CLVS1: variants seen among roughly 807,000 people sequenced by gnomAD.
CLVS1 encodes the protein clavesin 1.
In CLVS1, 10 loss-of-function variants were observed where a neutral mutation model predicts 33.1. That is an observed-to-expected ratio of 0.30 (90% CI 0.19 to 0.51). The LOEUF is 0.51. Ranked by LOEUF, CLVS1 falls within the 20% of genes least tolerant of loss-of-function variation. The pLI, the probability that CLVS1 is intolerant of heterozygous loss-of-function variation, is 0.97. For synonymous variants in CLVS1, 163 were observed against 166.1 expected (o/e 0.98, Z 0.14); for missense variants, 343 against 433.4 (o/e 0.79, Z 1.85).
intron 2 of CLVS1, among the ~76,000 whole-genome samples, chr8:61,146,571 G>A (rs1277590752): frequency 6.6e-6 from 1 of 152,160 alleles, no homozygotes; most frequent in Non-Finnish European, 1.5e-5. Flanking sequence ...TGACATTTAG[G>A]GAACCATGTA....
chr8:61,185,180 A>G (rs1034804469), intron 2 of CLVS1, among the ~76,000 whole-genome samples: 1 of 150,892 alleles, frequency 6.6e-6, no homozygotes, highest in Admixed American at 6.6e-5. Flanking sequence ...ATCTTGCTCC[A>G]TCAGCCAGGC....
intron 2 of CLVS1, among the ~76,000 whole-genome samples, chr8:61,354,748 T>C (rs922493001): frequency 6.6e-6 from 1 of 152,202 alleles, no homozygotes; most frequent in African/African-American, 2.4e-5. Context: ...TAACATTCAA[T>C]TTCTATAACA....
chr8:61,096,344 T>G (rs1805350524), intron 1 of CLVS1, among the ~76,000 whole-genome samples: 1 of 152,214 alleles, frequency 6.6e-6, no homozygotes, highest in South Asian at 2.1e-4. Flanking sequence ...TCTGTCTTAT[T>G]TCCTGCCTGG....
At chr8:61,155,362 A>G (rs1806629008) in intron 2 of CLVS1, among the ~76,000 whole-genome samples, 1 of 152,124 alleles carries the variant, frequency 6.6e-6, no homozygotes, top group African/African-American at 2.4e-5. Context: ...GCCTTCCTCT[A>G]TCCTGAGTCT....
intron 2 of CLVS1, among the ~76,000 whole-genome samples, chr8:61,157,603 A>G (rs74647225): frequency 0.017 from 2,601 of 152,134 alleles, 76 homozygotes; most frequent in African/African-American, 0.06. Context: ...AAGCATCAAG[A>G]AATTGATAGT....
intron 3 of CLVS1, among the ~76,000 whole-genome samples, chr8:61,441,598 G>A (rs1459354341): frequency 1.3e-5 from 2 of 152,294 alleles, no homozygotes; most frequent in East Asian, 3.9e-4. Flanking sequence ...TAGCCTGCAA[G>A]CATTACAAAT....
At chr8:61,223,302 G>C (rs1186442300) in intron 2 of CLVS1, among the ~76,000 whole-genome samples, 1 of 152,116 alleles carries the variant, frequency 6.6e-6, no homozygotes, top group Non-Finnish European at 1.5e-5. Flanking sequence ...GTGTGTTTTT[G>C]CAGTGTCTGG....
intron 2 of CLVS1, among the ~76,000 whole-genome samples, chr8:61,199,938 G>C (rs13268845): frequency 0.76 from 116,060 of 151,988 alleles, 45,177 homozygotes; most frequent in Middle Eastern, 0.9. Flanking sequence ...TTGAGAAAGT[G>C]AAGGGTGCTC....
At chr8:61,251,508 C>T (rs1272951156) in intron 2 of CLVS1, among the ~76,000 whole-genome samples, 1 of 152,074 alleles carries the variant, frequency 6.6e-6, no homozygotes, top group Non-Finnish European at 1.5e-5. Flanking sequence ...CTCTTTGTAC[C>T]TCTGGTAGAA....
chr8:61,132,552 C>G (rs1211658979), intron 2 of CLVS1, among the ~76,000 whole-genome samples: 2 of 152,160 alleles, frequency 1.3e-5, no homozygotes, highest in Non-Finnish European at 2.9e-5. Flanking sequence ...AAAGAGAATC[C>G]CTGTCTTTTG....
intron 2 of CLVS1, among the ~76,000 whole-genome samples, chr8:61,246,698 G>A (rs1272522617): frequency 6.6e-6 from 1 of 151,874 alleles, no homozygotes; most frequent in African/African-American, 2.4e-5. Context: ...AAATAATTTG[G>A]GTTGAAAACT....
At chr8:61,491,900 C>CAGTT (rs1262943391) in intron 5 of CLVS1, among the ~76,000 whole-genome samples, 2 of 151,984 alleles carry the variant, frequency 1.3e-5, no homozygotes, top group Non-Finnish European at 2.9e-5. Flanking sequence ...AGTTTCTTTC[C>CAGTT]AGTTAGAATT....
chr8:61,405,943 T>G (rs1249450158), intron 3 of CLVS1, among the ~76,000 whole-genome samples: 2 of 152,216 alleles, frequency 1.3e-5, no homozygotes, highest in Non-Finnish European at 2.9e-5. Context: ...ATATAGAAAT[T>G]TCTTTGCATA....
rs189968837 is a variant in CLVS1, at chr8:61,198,828, C to T, written c.-152+66968C>T. Among the ~76,000 whole-genome samples the T allele has an allele frequency of 1.4e-4, 21 of 152,294 alleles. No individual in the cohort carries two copies. The East Asian group carries it at 2.9e-3, about 21-fold the overall frequency. On this transcript the variant is annotated intron_variant, in intron 2 of 2. Transcript: ENST00000522621. The stretch of plus-strand genomic sequence containing the variant: ...GTGAGAACATCCTGTATTTGGTTTT[C>T]GATTCCTGAGTTACTTCACTTAGGA...
chr8:61,459,383 C>G lies in CLVS1; in HGVS notation c.977+841C>G, dbSNP rs557477187. On this transcript the variant is annotated intron_variant, in intron 5 of 5. Coordinates refer to ENST00000325897, the MANE Select transcript of CLVS1 (RefSeq NM_173519.3). ...TATTTTTCCATAAGTTATTGGGGTA[C>G]AGGTGGTATTCAGTTACATGGGTGA... Among the ~76,000 whole-genome samples, 10 of 152,120 alleles carry G rather than the reference C, an allele frequency of 6.6e-5. 1 individual carries two copies. The highest frequency in any genetic ancestry group is 3.4e-3 in the Middle Eastern group (1 of 292).
chr8:61,164,734 A>G (rs952579421), intron 2 of CLVS1, among the ~76,000 whole-genome samples: 3 of 152,132 alleles, frequency 2.0e-5, no homozygotes, highest in African/African-American at 7.2e-5. Context: ...TCTTTGTTGG[A>G]ATCCCCCCTC....
chr8:61,329,304 T>G (rs565571017), intron 2 of CLVS1, among the ~76,000 whole-genome samples: 1 of 152,114 alleles, frequency 6.6e-6, no homozygotes, highest in East Asian at 1.9e-4. Flanking sequence ...TATTTTGAAA[T>G]AGCATGCACA....
intron 2 of CLVS1, among the ~76,000 whole-genome samples, chr8:61,332,417 T>C (rs1811632948): frequency 6.6e-6 from 1 of 152,138 alleles, no homozygotes; most frequent in East Asian, 1.9e-4. Context: ...TGGGCATTTC[T>C]AGGAGTTTGT....
At chr8:60,990,712 TG>T in the CLVS1 span, among the ~76,000 whole-genome samples, 1 of 146,920 alleles carries the variant, frequency 6.8e-6, no homozygotes, top group Non-Finnish European at 1.5e-5. Flanking sequence ...GGGTTTTTTT[TG>T]TTTTTTTTTT....
Sources: allele counts gnomAD v4.1 joint callset (sites outside exome capture counted in the v4.1 genomes callset), GRCh38; gene constraint gnomAD v4.1.1; transcripts MANE v1.5; gene names NCBI Gene and HGNC (gene_info 2026-07-23, HGNC 2026-07-21).